Variants in PLPPR1 observed in about 807,000 individuals in gnomAD.
PLPPR1 encodes the protein phospholipid phosphatase related 1, also known as phospholipid phosphatase-related protein type 1.
Under a neutral mutation model 33.1 loss-of-function variants are expected in PLPPR1, and 10 were observed. The ratio of observed to expected loss-of-function variants is 0.30; its 90% CI spans 0.19 to 0.51. PLPPR1 has a LOEUF of 0.51. PLPPR1 is among the 20% of genes least tolerant of loss of function. The probability of loss-of-function intolerance (pLI) is 0.97; values close to 1 mark genes in which losing one functional copy is unlikely to be tolerated. For missense variants in PLPPR1, 304 were observed against 408.1 expected, an observed-to-expected ratio of 0.74 and a Z score of 2.20; for synonymous variants, 151 against 151.0, an observed-to-expected ratio of 1.00 and a Z score of 0.00.
chr9:101,044,656 T>G (rs1473932935), intron 1 of PLPPR1, among the ~76,000 whole-genome samples: 1 of 152,204 alleles, frequency 6.6e-6, no homozygotes, highest in African/African-American at 2.4e-5. Context: ...ATGAAGTAAC[T>G]CTTCCAGCAA....
intron 1 of PLPPR1, among the ~76,000 whole-genome samples, chr9:101,109,918 G>T (rs4503156): frequency 0.033 from 4,954 of 152,204 alleles, 101 homozygotes; most frequent in East Asian, 0.085. Context: ...TATACAAATG[G>T]CCATTGTGTG....
At chr9:101,231,149 C>T (rs1827176238) in intron 2 of PLPPR1, among the ~76,000 whole-genome samples, 1 of 151,892 alleles carries the variant, frequency 6.6e-6, no homozygotes, top group Admixed American at 6.6e-5. Context: ...TGTCCAGCTC[C>T]AAGGCCAGAG....
At chr9:101,311,962 G>A (rs2118958283) in intron 5 of PLPPR1, among the ~76,000 whole-genome samples, 1 of 152,144 alleles carries the variant, frequency 6.6e-6, no homozygotes, top group African/African-American at 2.4e-5. Context: ...AAACCACCAG[G>A]GACACATTTG....
intron 1 of PLPPR1, among the ~76,000 whole-genome samples, chr9:101,155,759 C>T (rs981714165): frequency 6.6e-6 from 1 of 151,978 alleles, no homozygotes; most frequent in African/African-American, 2.4e-5. Flanking sequence ...GCCACCACAC[C>T]TAGCTAATTT....
intron 2 of PLPPR1, among the ~76,000 whole-genome samples, chr9:101,235,660 G>A (rs1827285231): frequency 6.6e-6 from 1 of 151,674 alleles, no homozygotes; most frequent in East Asian, 1.9e-4. Context: ...AGCACTTCTT[G>A]GGTCTAGCTC....
intron 1 of PLPPR1, among the ~76,000 whole-genome samples, chr9:101,044,293 C>T (rs2118427550): frequency 6.6e-6 from 1 of 152,318 alleles, no homozygotes; most frequent in South Asian, 2.1e-4. Context: ...GCTGCTGACT[C>T]CTACTGCTTG....
rs376477018 is a variant in PLPPR1 at position 101,317,416 on chromosome 9, C to A, written c.865C>A (p.Pro289Thr). ...AGGAACGCAAGGATCTCCTTCCAAA[C>A]CCAAGCCTGAGGATCCCCGTGGAGT... is the stretch of plus-strand genomic sequence containing the variant. ...FKGTQGSPSK[P>T]KPEDPRGVPL... The change falls in exon 7 of 8, where the codon CCC (proline) becomes ACC (threonine). Residue 289 changes from proline to threonine, a missense_variant. By Grantham distance (38) the Pro-to-Thr change is conservative. Coordinates refer to ENST00000374874, the MANE Select transcript of PLPPR1 (RefSeq NM_207299.2). The A allele has an allele frequency of 3.7e-6, 6 of 1,613,966 alleles. No homozygotes were observed. The highest frequency in any genetic ancestry group is 5.1e-6 in the Non-Finnish European group (6 of 1,179,986).
At chr9:101,031,441 A>G (rs1031294942) in intron 1 of PLPPR1, among the ~76,000 whole-genome samples, 5 of 152,216 alleles carry the variant, frequency 3.3e-5, no homozygotes, top group Non-Finnish European at 7.3e-5. Flanking sequence ...CACACATGAA[A>G]TAGAAAGCAG....
chr9:101,109,717 T>C (rs1178688412), intron 1 of PLPPR1, among the ~76,000 whole-genome samples: 2 of 152,250 alleles, frequency 1.3e-5, no homozygotes, highest in African/African-American at 4.8e-5. Flanking sequence ...GTAATCCTAT[T>C]ATCCCAGGAT....
intron 1 of PLPPR1, among the ~76,000 whole-genome samples, chr9:101,079,680 C>T (rs1383424462): frequency 5.9e-5 from 9 of 151,756 alleles, no homozygotes; most frequent in Admixed American, 4.6e-4. Flanking sequence ...CCCAGGTTCA[C>T]GCGATTCTCC....
At chr9:101,263,700 C>T (rs1291489337) in intron 2 of PLPPR1, among the ~76,000 whole-genome samples, 1 of 152,142 alleles carries the variant, frequency 6.6e-6, no homozygotes, top group African/African-American at 2.4e-5. Context: ...TAGTAATCAT[C>T]CAAGGTTTAC....
At chr9:101,149,137 G>T (rs1389125099) in intron 1 of PLPPR1, among the ~76,000 whole-genome samples, 4 of 152,092 alleles carry the variant, frequency 2.6e-5, no homozygotes, top group Admixed American at 1.3e-4. Context: ...CGTTCTTCCT[G>T]TGTTTTCCCC....
intron 2 of PLPPR1, among the ~76,000 whole-genome samples, chr9:101,238,335 C>A (rs1453718661): frequency 9.3e-6 from 1 of 107,256 alleles, no homozygotes; most frequent in African/African-American, 4.1e-5. Context: ...ATATATACCT[C>A]TCTATATATA....
At chr9:101,290,766 T>G (rs1469457019) in intron 4 of PLPPR1, among the ~76,000 whole-genome samples, 1 of 152,182 alleles carries the variant, frequency 6.6e-6, no homozygotes, top group African/African-American at 2.4e-5. Flanking sequence ...ATGTGAAAAG[T>G]TAAAACACTA....
At chr9:101,092,678 C>G (rs1830760853) in intron 1 of PLPPR1, among the ~76,000 whole-genome samples, 1 of 152,096 alleles carries the variant, frequency 6.6e-6, no homozygotes, top group Non-Finnish European at 1.5e-5. Flanking sequence ...TCCTCCAGAT[C>G]TCGGCTCAGG....
At chr9:101,319,752 G>A (rs1247037373) in intron 7 of PLPPR1, among the ~76,000 whole-genome samples, 1 of 152,180 alleles carries the variant, frequency 6.6e-6, no homozygotes, top group Admixed American at 6.5e-5. Flanking sequence ...TTACAATCCT[G>A]TGTTTAGTGA....
In PLPPR1 at chr9:101,180,133, TATATATATATACAC is replaced by T. The variant is rs1333368275; in HGVS notation, c.-45-5315_-45-5302del. 4.3e-3 allele frequency among the ~76,000 whole-genome samples: 170 copies of T among 39,668 alleles called. 5 individuals are homozygous for T. The highest frequency in any genetic ancestry group is 0.031 in the Middle Eastern group (3 of 96). The allele number at this position is 39,668 out of a possible 152,430, so 26.0% of individuals were successfully genotyped here. On this transcript the variant is annotated intron_variant, in intron 1 of 7. Coordinates refer to ENST00000374874, the MANE Select transcript of PLPPR1 (RefSeq NM_207299.2). ...ATATATATATATATATATATATATA[TATATATATATACAC>T]ACACACACACACACATACACACACA... is the stretch of plus-strand genomic sequence containing the variant.
chr9:101,143,132 A>G (rs1450506799), intron 1 of PLPPR1, among the ~76,000 whole-genome samples: 1 of 151,900 alleles, frequency 6.6e-6, no homozygotes, highest in Non-Finnish European at 1.5e-5. Context: ...CCTGTCTACA[A>G]CTCCATATTA....
intron 7 of PLPPR1, among the ~76,000 whole-genome samples, chr9:101,320,829 G>C (rs1025496623): frequency 6.6e-6 from 1 of 152,132 alleles, no homozygotes; most frequent in Non-Finnish European, 1.5e-5. Context: ...AAGGCACCAG[G>C]TTTAAGTAAT....
Sources: gnomAD v4.1 joint callset for allele counts (sites outside exome capture counted in the v4.1 genomes callset) on GRCh38, gnomAD v4.1.1 for gene constraint, MANE v1.5 for transcripts, NCBI Gene and HGNC (gene_info 2026-07-23, HGNC 2026-07-21) for gene names.